Variants in BAG4 observed in about 807,000 individuals in gnomAD.
The protein encoded by BAG4 is BAG family molecular chaperone regulator 4.
Under a neutral mutation model 52.1 loss-of-function variants are expected in BAG4, and 28 were observed. The observed-to-expected ratio is 0.54, with a 90% CI of 0.40 to 0.74. The LOEUF (loss-of-function observed/expected upper bound fraction) is 0.74. Ranked by LOEUF, BAG4 falls within the 30% of genes least tolerant of loss-of-function variation. The pLI, the probability that BAG4 is intolerant of heterozygous loss-of-function variation, is 0.00. For synonymous variants in BAG4, 208 were observed against 217.0 expected, an observed-to-expected ratio of 0.96 and a Z score of 0.37; for missense variants, 525 against 572.0, an observed-to-expected ratio of 0.92 and a Z score of 0.84.
At position 38,210,463 on chromosome 8, in the gene BAG4, A is replaced by G; in HGVS notation, c.1344A>G (p.Ile448Met). ...AGGCTGTTTGTAAGATTCAGGCCAT[A>G]CTGGAAAAATTAGAAAAAAAAGGAT... ...RKEAVCKIQAILEKLEKKGL is the reference protein window; with the variant it reads ...RKEAVCKIQAMLEKLEKKGL The change falls in exon 5 of 5, where the codon ATA (isoleucine) becomes ATG (methionine). Residue 448 changes from isoleucine to methionine, a missense_variant. Coordinates refer to ENST00000287322, the MANE Select transcript of BAG4 (RefSeq NM_004874.4). 1.3e-6 allele frequency: 2 copies of G among 1,577,892 alleles called. No homozygotes were observed. Among genetic ancestry groups the G allele is most frequent in the Non-Finnish European group, 1.7e-6 (2 of 1,169,380 alleles).
chr8:38,194,842 T>G (rs1430464004), intron 2 of BAG4, among the ~76,000 whole-genome samples: 6 of 147,938 alleles, frequency 4.1e-5, no homozygotes, highest in Admixed American at 1.4e-4. Context: ...GGGGTGTTTT[T>G]TTTTGTTTTT....
chr8:38,210,136 C>T lies in BAG4; in HGVS notation c.1017C>T (p.Val339=), dbSNP rs1803842279. 6.2e-7 allele frequency: 1 copy of T among 1,613,972 alleles called. No individual in the cohort carries two copies. The highest frequency in any genetic ancestry group is 1.7e-5 in the Admixed American group (1 of 59,976). The change falls in exon 5 of 5, where the codon GTC becomes GTT. Residue 339 remains valine (V), a synonymous_variant. Coordinates refer to ENST00000287322, the MANE Select transcript of BAG4 (RefSeq NM_004874.4). The part of the protein sequence containing the change: ...NDDSDLLDSQ[V]QYSAEPQLYG... ...ATTCAGATCTTTTGGATTCCCAAGT[C>T]CAGTATAGTGCTGAGCCTCAGCTGT...
intron 2 of BAG4, among the ~76,000 whole-genome samples, chr8:38,203,620 G>T (rs1234949969): frequency 6.6e-6 from 1 of 152,028 alleles, no homozygotes; most frequent in Non-Finnish European, 1.5e-5. Context: ...ACAGACATAT[G>T]TAGGACAAGC....
intron 1 of BAG4, among the ~76,000 whole-genome samples, chr8:38,177,902 C>A (rs899058818): frequency 6.6e-6 from 1 of 152,050 alleles, no homozygotes; most frequent in African/African-American, 2.4e-5. Context: ...CCTCTCTGTT[C>A]GTTCAAGAAT....
intron 1 of BAG4, among the ~76,000 whole-genome samples, chr8:38,185,821 C>T (rs1206105874): frequency 6.6e-6 from 1 of 152,176 alleles, no homozygotes; most frequent in East Asian, 1.9e-4. Context: ...CCTTGGCCTC[C>T]CAGAGTTCTG....
chr8:38,203,375 C>T (rs1309195286), intron 2 of BAG4, among the ~76,000 whole-genome samples: 7 of 151,390 alleles, frequency 4.6e-5, no homozygotes, highest in African/African-American at 9.7e-5. Context: ...CTCCGCCTCC[C>T]GAGTTCACGC....
chr8:38,188,141 T>C (rs1332538972), intron 1 of BAG4, among the ~76,000 whole-genome samples: 1 of 151,558 alleles, frequency 6.6e-6, no homozygotes, highest in Non-Finnish European at 1.5e-5. Context: ...AATGCTACAT[T>C]TGAAAATATT....
chr8:38,205,367 T>G (rs1406736504), intron 2 of BAG4, among the ~76,000 whole-genome samples: 1 of 152,102 alleles, frequency 6.6e-6, no homozygotes, highest in Non-Finnish European at 1.5e-5. Context: ...CAATAAAATT[T>G]GAAGACTGAA....
At chr8:38,191,985 G>A (rs966214802) in intron 1 of BAG4, among the ~76,000 whole-genome samples, 10 of 152,096 alleles carry the variant, frequency 6.6e-5, no homozygotes, top group African/African-American at 2.4e-4. Flanking sequence ...TTTCTCTTTG[G>A]ATTGGTAAAT....
At chr8:38,200,113 C>G (rs1175579220) in intron 2 of BAG4, among the ~76,000 whole-genome samples, 1 of 150,894 alleles carries the variant, frequency 6.6e-6, no homozygotes, top group Non-Finnish European at 1.5e-5. Context: ...TCAAGTGATT[C>G]TTGCCTCAGC....
chr8:38,197,685 T>C (rs1392649767), intron 2 of BAG4, among the ~76,000 whole-genome samples: 1 of 152,212 alleles, frequency 6.6e-6, no homozygotes, highest in Non-Finnish European at 1.5e-5. Flanking sequence ...TTTTTTACTT[T>C]ATAAACTTTA....
chr8:38,200,661 C>G (rs1171349772), intron 2 of BAG4, among the ~76,000 whole-genome samples: 1 of 151,766 alleles, frequency 6.6e-6, no homozygotes, highest in African/African-American at 2.4e-5. Flanking sequence ...TGCAATGGCA[C>G]GATCTTGGCT....
At chr8:38,195,706 A>G (rs1563282420) in intron 2 of BAG4, among the ~76,000 whole-genome samples, 3 of 152,236 alleles carry the variant, frequency 2.0e-5, no homozygotes, top group Non-Finnish European at 2.9e-5. Flanking sequence ...TGTCAGCCTC[A>G]TCCCTGTGAC....
intron 2 of BAG4, among the ~76,000 whole-genome samples, chr8:38,197,845 G>A (rs1157036291): frequency 2.6e-5 from 4 of 151,856 alleles, no homozygotes; most frequent in South Asian, 4.2e-4. Flanking sequence ...GACTACAGGC[G>A]TGTGCCACCA....
intron 2 of BAG4, among the ~76,000 whole-genome samples, chr8:38,195,337 A>G (rs1803546332): frequency 6.6e-6 from 1 of 151,868 alleles, no homozygotes; most frequent in African/African-American, 2.4e-5. Context: ...TTTGTTCTGT[A>G]GAGTTAGGGT....
At position 38,211,373 on chromosome 8, in the gene BAG4, T is replaced by G. The variant is rs1044955156; in HGVS notation, c.*880T>G. On this transcript the variant is annotated 3_prime_UTR_variant, in exon 5 of 5. Transcript: ENST00000287322. Reference sequence around the variant, plus strand: ...TAAAAGTTATCTGTTTTTTCCTGTTTTTTTTTTTTTTCCCCAAAGTGTAGT... The same window carrying G: ...TAAAAGTTATCTGTTTTTTCCTGTTGTTTTTTTTTTTCCCCAAAGTGTAGT... The G allele has an allele frequency of 6.6e-6, 1 of 151,140 alleles. No homozygotes were observed. The highest frequency in any genetic ancestry group is 1.5e-5 in the Non-Finnish European group (1 of 67,700). 9.4% of individuals were successfully genotyped at this position (151,140 alleles called of 1,614,324 possible).
chr8:38,205,249 C>CTGTT (rs1325638680), intron 2 of BAG4, among the ~76,000 whole-genome samples: 2 of 96,588 alleles, frequency 2.1e-5, no homozygotes, highest in Non-Finnish European at 3.7e-5. Flanking sequence ...TGAGGTCTTG[C>CTGTT]TGTTTGCACA....
chr8:38,190,424 AGG>A (rs1199453130), intron 1 of BAG4, among the ~76,000 whole-genome samples: 1 of 151,750 alleles, frequency 6.6e-6, no homozygotes, highest in Non-Finnish European at 1.5e-5. Context: ...TCAAGTCAGT[AGG>A]TTTTTTCTTT....
Position 38,203,093 on chromosome 8 carries a change from C to G in BAG4, c.379-4419C>G, listed in dbSNP as rs530171218. The G allele has an allele frequency of 5.3e-5, 8 of 152,182 alleles. No individual in the cohort carries two copies. The South Asian group carries it at 1.5e-3, about 28-fold the overall frequency. The allele number at this position is 152,182 out of a possible 1,614,324, so 9.4% of individuals were successfully genotyped here. On this transcript the variant is annotated intron_variant, in intron 2 of 4. Coordinates refer to ENST00000287322, the MANE Select transcript of BAG4 (RefSeq NM_004874.4). Reference sequence around the variant, plus strand: ...ATGCGCATACCATAGATAATCATCCCCTACATATCTGGAGAAGTTGTAGTA... The same window carrying G: ...ATGCGCATACCATAGATAATCATCCGCTACATATCTGGAGAAGTTGTAGTA...
Sources: allele counts gnomAD v4.1 joint callset (sites outside exome capture counted in the v4.1 genomes callset), GRCh38; gene constraint gnomAD v4.1.1; transcripts MANE v1.5; gene names NCBI Gene and HGNC (gene_info 2026-07-23, HGNC 2026-07-21).